ACTR3C: variants seen among roughly 807,000 people sequenced by gnomAD.
ACTR3C encodes the protein actin-related protein 3C.
Under a neutral mutation model 26.3 loss-of-function variants are expected in ACTR3C, and 18 were observed. The ratio of observed to expected loss-of-function variants is 0.68; its 90% CI spans 0.47 to 1.01. ACTR3C has a LOEUF of 1.01. Among genes scored for constraint, ACTR3C ranks in the 50% least tolerant of loss-of-function variants. The pLI is 0.00. For missense variants in ACTR3C, 184 were observed against 250.7 expected (o/e 0.73, Z 1.80); for synonymous variants, 55 against 94.5 (o/e 0.58, Z 2.42).
At chr7:150,196,567 G>A in the ACTR3C span, among the ~76,000 whole-genome samples, 1 of 152,292 alleles carries the variant, frequency 6.6e-6, no homozygotes, top group Admixed American at 6.5e-5. Flanking sequence ...CTGTGTCTAA[G>A]TGGTTCTTTT....
the ACTR3C span, among the ~76,000 whole-genome samples, chr7:149,965,898 C>A: frequency 6.6e-6 from 1 of 152,186 alleles, no homozygotes; most frequent in African/African-American, 2.4e-5. Context: ...AAAGCTAAGA[C>A]CCAGAGAGTA....
intron 6 of ACTR3C, among the ~76,000 whole-genome samples, chr7:150,276,777 T>G (rs1259060400): frequency 6.6e-6 from 1 of 152,238 alleles, no homozygotes; most frequent in Non-Finnish European, 1.5e-5. Flanking sequence ...ACCCAAGGGC[T>G]ACCTCTTGAC....
rs187151683 is a variant in ACTR3C, at chr7:150,313,549, G to A, written c.-52+9920C>T. On this transcript the variant is annotated intron_variant, in intron 1 of 7. Transcript: ENST00000683684. ...TATCAGACTTAAGGTCTGTGTGGAT[G>A]TTAATTCCGGTTAGCTCTTCCTGAA... Among the ~76,000 whole-genome samples, 9 of 152,304 alleles carry A rather than the reference G, an allele frequency of 5.9e-5. 1 individual carries two copies. The East Asian group carries it at 1.7e-3, about 29-fold the overall frequency.
intron 6 of ACTR3C, among the ~76,000 whole-genome samples, chr7:150,249,323 A>G (rs1832668935): frequency 6.6e-6 from 1 of 152,244 alleles, no homozygotes; most frequent in East Asian, 1.9e-4. Flanking sequence ...CACAGAAATT[A>G]TCCTTCCAGA....
At chr7:150,235,656 T>C in the ACTR3C span, among the ~76,000 whole-genome samples, 1 of 152,210 alleles carries the variant, frequency 6.6e-6, no homozygotes, top group Non-Finnish European at 1.5e-5. Context: ...CTCACGTCGT[T>C]GGGTTCATTC....
the ACTR3C span, among the ~76,000 whole-genome samples, chr7:149,902,286 C>T: frequency 2.0e-5 from 3 of 150,564 alleles, no homozygotes; most frequent in East Asian, 2.0e-4. Flanking sequence ...AGCTAACAAA[C>T]TCATTTTATG....
the ACTR3C span, among the ~76,000 whole-genome samples, chr7:150,166,333 A>T: frequency 6.6e-6 from 1 of 151,012 alleles, no homozygotes; most frequent in Non-Finnish European, 1.5e-5. Flanking sequence ...ATCACCTCAA[A>T]CATACACCAT....
At chr7:149,949,393 GGGAAGGAAGGAA>G in the ACTR3C span, among the ~76,000 whole-genome samples, 45 of 133,904 alleles carry the variant, frequency 3.4e-4, 3 homozygotes, top group Admixed American at 7.9e-4. Flanking sequence ...GAAGGAAGGA[GGGAAGGAAGGAA>G]GGAAGGAAGG....
At chr7:150,049,283 C>T in the ACTR3C span, among the ~76,000 whole-genome samples, 50,299 of 148,324 alleles carry the variant, frequency 0.34, 5,095 homozygotes, top group East Asian at 0.52. Context: ...GCTGGGCACG[C>T]GTCTCTCTCG....
At chr7:149,951,196 G>A in the ACTR3C span, among the ~76,000 whole-genome samples, 1 of 108,734 alleles carries the variant, frequency 9.2e-6, no homozygotes. Context: ...TAGCCAAACC[G>A]CTGTCTGCGA....
intron 6 of ACTR3C, among the ~76,000 whole-genome samples, chr7:150,280,642 A>G (rs10262634): frequency 0.19 from 29,582 of 151,938 alleles, 4,082 homozygotes; most frequent in African/African-American, 0.37. Flanking sequence ...TGAGAGAGGA[A>G]TCTTACATAT....
chr7:150,056,363 G>C, the ACTR3C span, among the ~76,000 whole-genome samples: 2 of 152,070 alleles, frequency 1.3e-5, no homozygotes, highest in Non-Finnish European at 2.9e-5. Flanking sequence ...CCATGTATCT[G>C]CTTCTTGTGG....
the ACTR3C span, among the ~76,000 whole-genome samples, chr7:150,107,400 G>C: frequency 2.0e-5 from 3 of 151,844 alleles, no homozygotes; most frequent in Admixed American, 6.6e-5. Flanking sequence ...GATCAATCTT[G>C]GTGCTAGATC....
chr7:149,896,874 A>G, the ACTR3C span, among the ~76,000 whole-genome samples: 2 of 151,906 alleles, frequency 1.3e-5, no homozygotes, highest in African/African-American at 2.4e-5. Flanking sequence ...AGCCTGACCA[A>G]CATGGTGAAA....
intron 1 of ACTR3C, among the ~76,000 whole-genome samples, chr7:150,307,286 T>C (rs1795870278): frequency 6.6e-6 from 1 of 152,240 alleles, no homozygotes; most frequent in African/African-American, 2.4e-5. Context: ...CTCTGTGACC[T>C]GCACATGTAC....
In ACTR3C at chr7:150,274,718, A is replaced by G. The variant is rs2530938; in HGVS notation, c.564+10035T>C. ...GCTCAGCCCACGTGGAGACCCACGC[A>G]GCTTGGCCCTGACGCCTATACTCTT... On this transcript the variant is annotated intron_variant, in intron 6 of 7. Coordinates refer to ENST00000683684, the MANE Select transcript of ACTR3C (RefSeq NM_001164458.2). The surrounding 1 kb of genome is among the most constrained non-coding windows in gnomAD (Gnocchi z 4.1). Among the ~76,000 whole-genome samples the G allele has an allele frequency of 5.3e-5, 8 of 152,226 alleles. No individual in the cohort carries two copies. The highest frequency in any genetic ancestry group is 1.9e-4 in the East Asian group (1 of 5,200).
the ACTR3C span, among the ~76,000 whole-genome samples, chr7:150,022,531 G>T: frequency 1.3e-5 from 2 of 151,878 alleles, no homozygotes; most frequent in African/African-American, 4.9e-5. Context: ...TATCCTCCCT[G>T]CCCTGGTTCT....
the ACTR3C span, among the ~76,000 whole-genome samples, chr7:149,951,056 TC>T: frequency 3.1e-5 from 1 of 31,814 alleles, no homozygotes; most frequent in Non-Finnish European, 5.6e-5. Context: ...GGACTCCCCT[TC>T]CTCTTCCTTC....
chr7:150,037,153 C>A, the ACTR3C span, among the ~76,000 whole-genome samples: 1 of 54,792 alleles, frequency 1.8e-5, no homozygotes, highest in African/African-American at 7.3e-5. Context: ...GTGGGGGGTG[C>A]CTCCCCCCCT....
Sources: allele counts gnomAD v4.1 joint callset (sites outside exome capture counted in the v4.1 genomes callset), GRCh38; gene constraint gnomAD v4.1.1; non-coding constraint Gnocchi (gnomAD v3.1); transcripts MANE v1.5; gene names NCBI Gene and HGNC (gene_info 2026-07-23, HGNC 2026-07-21).